The following PCDHGA2 variants were observed in gnomAD, a reference collection of about 807,000 sequenced individuals.
PCDHGA2 encodes protocadherin gamma subfamily A, 2, also known as protocadherin gamma-A2.
PCDHGA2 carries 40 observed loss-of-function variants against 59.2 expected under a neutral mutation model. The observed-to-expected ratio is 0.68, with a 90% CI of 0.52 to 0.88. The LOEUF (loss-of-function observed/expected upper bound fraction) is 0.88. Among genes scored for constraint, PCDHGA2 ranks in the 40% least tolerant of loss-of-function variants. The pLI, the probability that PCDHGA2 is intolerant of heterozygous loss-of-function variation, is 0.00. For missense variants in PCDHGA2, 1,226 were observed against 1,204.0 expected (o/e 1.02, Z -0.27); for synonymous variants, 560 against 526.0 (o/e 1.06, Z -0.89).
chr5:141,345,720 C>T (rs763422738), intron 1 of PCDHGA2: 7 of 1,614,130 alleles, frequency 4.3e-6, no homozygotes, highest in East Asian at 2.2e-5. Context: ...GCCCGAGATC[C>T]TGTACCCCGC....
chr5:141,362,313 T>C, intron 1 of PCDHGA2: 1 of 1,614,046 alleles, frequency 6.2e-7, no homozygotes, highest in Non-Finnish European at 8.5e-7. Flanking sequence ...CTTGGGACTG[T>C]TTTCAGCCTG....
chr5:141,418,178 G>A, intron 1 of PCDHGA2: 1 of 1,614,080 alleles, frequency 6.2e-7, no homozygotes, highest in Non-Finnish European at 8.5e-7. Flanking sequence ...GTTGCAATTG[G>A]AAGCTGTGGT....
intron 1 of PCDHGA2, among the ~76,000 whole-genome samples, chr5:141,433,948 T>C (rs1473404279): frequency 2.0e-5 from 3 of 152,234 alleles, no homozygotes; most frequent in Non-Finnish European, 4.4e-5. Context: ...CATTGTTTCT[T>C]CTACAGTTGT....
At chr5:141,400,904 T>C (rs958521699) in intron 1 of PCDHGA2, among the ~76,000 whole-genome samples, 14 of 152,250 alleles carry the variant, frequency 9.2e-5, no homozygotes, top group African/African-American at 3.4e-4. Context: ...TAATTCATCT[T>C]TTAAAGCAAA....
At position 141,371,310 on chromosome 5, in the gene PCDHGA2, G is replaced by C. The variant is rs371403587; in HGVS notation, c.2424+29915G>C. ...AACGGGGGAACTCACCACTATTGGA[G>C]AACTGGACTTTGAAGAGAGAGATAG... On this transcript the variant is annotated intron_variant, in intron 1 of 3. Coordinates refer to ENST00000394576, the MANE Select transcript of PCDHGA2 (RefSeq NM_018915.4). 3.1e-6 allele frequency: 5 copies of C among 1,613,874 alleles called. No individual in the cohort carries two copies. Among genetic ancestry groups the C allele is most frequent in the Non-Finnish European group, 4.2e-6 (5 of 1,179,886 alleles).
At chr5:141,393,583 C>A in intron 1 of PCDHGA2, 1 of 1,613,930 alleles carries the variant, frequency 6.2e-7, no homozygotes, top group Non-Finnish European at 8.5e-7. Context: ...AACATGCCCC[C>A]AGGCACGCGG....
chr5:141,450,071 A>G (rs1039802551), intron 1 of PCDHGA2, among the ~76,000 whole-genome samples: 3 of 139,286 alleles, frequency 2.2e-5, no homozygotes, highest in Non-Finnish European at 3.0e-5. Flanking sequence ...CAGTGGTATG[A>G]TCTTGGCTCA....
chr5:141,483,435 A>G (rs2099581280), intron 1 of PCDHGA2, among the ~76,000 whole-genome samples: 1 of 152,180 alleles, frequency 6.6e-6, no homozygotes, highest in Admixed American at 6.5e-5. Context: ...GGAGCTGACT[A>G]CAATAAAATC....
chr5:141,482,069 G>A (rs892777397), intron 1 of PCDHGA2, among the ~76,000 whole-genome samples: 1 of 138,078 alleles, frequency 7.2e-6, no homozygotes, highest in Non-Finnish European at 1.5e-5. Context: ...TGGGCAACAA[G>A]AACAAAACTC....
intron 1 of PCDHGA2, chr5:141,400,525 G>A: frequency 6.2e-7 from 1 of 1,613,908 alleles, no homozygotes; most frequent in Non-Finnish European, 8.5e-7. Context: ...TCCTGAGTTG[G>A]TGAGTTTCAT....
chr5:141,419,258 C>G lies in PCDHGA2; in HGVS notation c.2425-75549C>G, dbSNP rs761740232. The G allele has an allele frequency of 2.5e-6, 4 of 1,614,028 alleles. No individual in the cohort carries two copies. The Admixed American group carries it at 6.7e-5, about 27-fold the overall frequency. ...GGTCCACGTGCCAGAAAACAACCAG[C>G]CGGGTGCCTCCATAGCGCAAGTCAG... On this transcript the variant is annotated intron_variant, in intron 1 of 3. Transcript: ENST00000394576.
intron 1 of PCDHGA2, chr5:141,366,578 C>T: frequency 6.2e-7 from 1 of 1,614,264 alleles, no homozygotes; most frequent in Non-Finnish European, 8.5e-7. Flanking sequence ...TCGGGCTTTC[C>T]TGCAGACCTA....
At chr5:141,346,870 C>A (rs1385429638) in intron 1 of PCDHGA2, among the ~76,000 whole-genome samples, 3 of 152,206 alleles carry the variant, frequency 2.0e-5, no homozygotes, top group Non-Finnish European at 4.4e-5. Flanking sequence ...TGGAGTTTGT[C>A]ATTCCAACCT....
intron 2 of PCDHGA2, among the ~76,000 whole-genome samples, chr5:141,495,685 T>TA (rs758775501): frequency 1.3e-5 from 2 of 152,210 alleles, no homozygotes; most frequent in African/African-American, 2.4e-5. Context: ...TGCCATGGCA[T>TA]AAGTGCTCAA....
At chr5:141,375,993 C>G in intron 1 of PCDHGA2, 1 of 1,613,468 alleles carries the variant, frequency 6.2e-7, no homozygotes, top group Non-Finnish European at 8.5e-7. Flanking sequence ...GACAGAGACG[C>G]GCTCAAGCAG....
chr5:141,391,899 T>G (rs1283624057), intron 1 of PCDHGA2: 2 of 152,212 alleles, frequency 1.3e-5, no homozygotes, highest in Non-Finnish European at 2.9e-5. Flanking sequence ...GGATGGAGCT[T>G]TGCTTTTTAT....
intron 1 of PCDHGA2, chr5:141,374,317 T>C: frequency 1.2e-6 from 2 of 1,613,982 alleles, no homozygotes; most frequent in East Asian, 2.2e-5. Context: ...TCTCTCTGAA[T>C]CCGCGAAACG....
At chr5:141,414,458 C>T (rs2095749873) in intron 1 of PCDHGA2, 9 of 1,613,698 alleles carry the variant, frequency 5.6e-6, no homozygotes, top group Non-Finnish European at 6.8e-6. Flanking sequence ...ACAGTGACAG[C>T]CACAGATGGG....
At chr5:141,481,441 T>C (rs1397908285) in intron 1 of PCDHGA2, among the ~76,000 whole-genome samples, 1 of 152,250 alleles carries the variant, frequency 6.6e-6, no homozygotes, top group East Asian at 1.9e-4. Context: ...ATCAGTTTAG[T>C]ACATGTAAAT....
Sources: allele counts gnomAD v4.1 joint callset (sites outside exome capture counted in the v4.1 genomes callset), GRCh38; gene constraint gnomAD v4.1.1; transcripts MANE v1.5; gene names NCBI Gene and HGNC (gene_info 2026-07-23, HGNC 2026-07-21).